The following LRFN2 variants were observed in gnomAD, a reference collection of about 807,000 sequenced individuals.
The protein encoded by LRFN2 is leucine rich repeat and fibronectin type III domain containing 2, also known as leucine-rich repeat and fibronectin type-III domain-containing protein 2.
A neutral mutation model predicts 37.3 loss-of-function variants in LRFN2; 18 were observed. That is an observed-to-expected ratio of 0.48 (90% CI 0.33 to 0.72). The LOEUF is 0.72. Ranked by LOEUF, LRFN2 falls within the 30% of genes least tolerant of loss-of-function variation. LRFN2 has a pLI of 0.02. For missense variants in LRFN2, 1,006 were observed against 1,060.7 expected, an observed-to-expected ratio of 0.95 and a Z score of 0.72; for synonymous variants, 556 against 466.6, an observed-to-expected ratio of 1.19 and a Z score of -2.47.
At chr6:40,471,404 T>C (rs1328978082) in intron 1 of LRFN2, among the ~76,000 whole-genome samples, 1 of 152,196 alleles carries the variant, frequency 6.6e-6, no homozygotes. Context: ...TGTCATATTG[T>C]CATGCCATGG....
At chr6:40,480,634 T>C (rs1764807454) in intron 1 of LRFN2, among the ~76,000 whole-genome samples, 1 of 152,050 alleles carries the variant, frequency 6.6e-6, no homozygotes, top group African/African-American at 2.4e-5. Context: ...AGCTGGGCAG[T>C]CTTAGATTTG....
intron 1 of LRFN2, among the ~76,000 whole-genome samples, chr6:40,537,876 C>T (rs1000426956): frequency 2.0e-5 from 3 of 151,964 alleles, no homozygotes; most frequent in African/African-American, 7.3e-5. Flanking sequence ...TTTAATGCTC[C>T]AGCTGCAATC....
chr6:40,440,223 T>C (rs1315999888), intron 1 of LRFN2, among the ~76,000 whole-genome samples: 2 of 152,118 alleles, frequency 1.3e-5, no homozygotes. Flanking sequence ...AGATAAGCAA[T>C]TGTTATCATA....
intron 1 of LRFN2, among the ~76,000 whole-genome samples, chr6:40,528,595 G>A (rs935495705): frequency 6.6e-6 from 1 of 152,158 alleles, no homozygotes; most frequent in African/African-American, 2.4e-5. Flanking sequence ...GACTAATACA[G>A]ATGCTTTTTG....
intron 1 of LRFN2, among the ~76,000 whole-genome samples, chr6:40,497,057 C>A (rs1765245090): frequency 6.6e-6 from 1 of 152,116 alleles, no homozygotes; most frequent in African/African-American, 2.4e-5. Flanking sequence ...GGAGTCAGTC[C>A]CTCACCTGGC....
chr6:40,499,648 G>C (rs1294103102), intron 1 of LRFN2, among the ~76,000 whole-genome samples: 1 of 152,170 alleles, frequency 6.6e-6, no homozygotes, highest in Non-Finnish European at 1.5e-5. Context: ...AGTGGCAGCA[G>C]AGAGTGTGGG....
chr6:40,464,633 G>T (rs146236126), intron 1 of LRFN2, among the ~76,000 whole-genome samples: 1 of 152,340 alleles, frequency 6.6e-6, no homozygotes, highest in Admixed American at 6.5e-5. Flanking sequence ...ACTCTGTTGG[G>T]TGTCTCACTC....
At chr6:40,562,693 A>G (rs1461063362) in intron 1 of LRFN2, among the ~76,000 whole-genome samples, 1 of 152,064 alleles carries the variant, frequency 6.6e-6, no homozygotes, top group Non-Finnish European at 1.5e-5. Context: ...CACACATATT[A>G]ATCAGCTAGA....
At chr6:40,403,261 G>T (rs947694522) in intron 2 of LRFN2, among the ~76,000 whole-genome samples, 1 of 152,104 alleles carries the variant, frequency 6.6e-6, no homozygotes, top group African/African-American at 2.4e-5. Flanking sequence ...CAGCCTACTG[G>T]TGACTAGTGC....
intron 1 of LRFN2, among the ~76,000 whole-genome samples, chr6:40,482,811 G>C (rs1466666834): frequency 6.6e-6 from 1 of 152,200 alleles, no homozygotes; most frequent in Non-Finnish European, 1.5e-5. Flanking sequence ...GGCTGGAGTG[G>C]AGGAGGACTT....
intron 1 of LRFN2, among the ~76,000 whole-genome samples, chr6:40,459,372 C>T (rs1359897479): frequency 6.6e-6 from 1 of 152,226 alleles, no homozygotes; most frequent in Non-Finnish European, 1.5e-5. Flanking sequence ...GGTCTCTCTA[C>T]CCAAGGGGTG....
At chr6:40,539,806 C>T (rs192761753) in intron 1 of LRFN2, among the ~76,000 whole-genome samples, 6 of 152,258 alleles carry the variant, frequency 3.9e-5, no homozygotes, top group South Asian at 2.1e-4. Context: ...TGGGAGGTTG[C>T]GGTCTTGGTT....
intron 1 of LRFN2, among the ~76,000 whole-genome samples, chr6:40,470,574 C>A (rs1764571419): frequency 6.6e-6 from 1 of 151,532 alleles, no homozygotes; most frequent in Non-Finnish European, 1.5e-5. Context: ...CGTGTCCCTG[C>A]ACTCCAGCCT....
intron 1 of LRFN2, among the ~76,000 whole-genome samples, chr6:40,516,976 G>A (rs896233607): frequency 1.3e-5 from 2 of 152,108 alleles, no homozygotes; most frequent in African/African-American, 4.8e-5. Context: ...CCTGTTCTAG[G>A]TGCTTGGGAT....
At chr6:40,444,628 C>A (rs1211342761) in intron 1 of LRFN2, among the ~76,000 whole-genome samples, 2 of 152,270 alleles carry the variant, frequency 1.3e-5, no homozygotes, top group African/African-American at 4.8e-5. Flanking sequence ...GGTCCCTGCA[C>A]TGACCCTGCC....
intron 1 of LRFN2, among the ~76,000 whole-genome samples, chr6:40,446,930 A>AGTCAG: frequency 6.8e-6 from 1 of 146,242 alleles, no homozygotes; most frequent in African/African-American, 2.5e-5. Context: ...GGGCTTCCTG[A>AGTCAG]GGATGGAGCT....
intron 2 of LRFN2, among the ~76,000 whole-genome samples, chr6:40,427,959 T>A (rs2113820523): frequency 6.6e-6 from 1 of 152,318 alleles, no homozygotes; most frequent in African/African-American, 2.4e-5. Flanking sequence ...ATTGGTCTTG[T>A]TAGGTTGAGG....
At chr6:40,490,650 G>A (rs1419366832) in intron 1 of LRFN2, among the ~76,000 whole-genome samples, 1 of 152,162 alleles carries the variant, frequency 6.6e-6, no homozygotes, top group Admixed American at 6.5e-5. Flanking sequence ...ACAGCATATG[G>A]CCCACTCTTA....
At position 40,518,640 on chromosome 6, in the gene LRFN2, T is replaced by C. The variant is rs112309354; in HGVS notation, c.-19+68301A>G. ...ATCATTTCTAATGTCCTTACATTGA[T>C]GGCTCCCACACAACCCCTCCTTGAG... On this transcript the variant is annotated intron_variant, in intron 1 of 2. Coordinates refer to ENST00000338305, the MANE Select transcript of LRFN2 (RefSeq NM_020737.3). Among the ~76,000 whole-genome samples, 1,433 of 152,302 alleles carry C rather than the reference T, an allele frequency of 9.4e-3. 27 individuals carry two copies. Among genetic ancestry groups the C allele is most frequent in the African/African-American group, 0.033 (1,378 of 41,558 alleles).
Sources: gnomAD v4.1 joint callset for allele counts (sites outside exome capture counted in the v4.1 genomes callset) on GRCh38, gnomAD v4.1.1 for gene constraint, MANE v1.5 for transcripts, NCBI Gene and HGNC (gene_info 2026-07-23, HGNC 2026-07-21) for gene names.